The following ST8SIA4 variants were observed in gnomAD, a reference collection of about 807,000 sequenced individuals.
The protein encoded by ST8SIA4 is ST8 alpha-N-acetyl-neuraminide alpha-2,8-sialyltransferase 4.
In ST8SIA4, 15 loss-of-function variants were observed where a neutral mutation model predicts 33.9. That is an observed-to-expected ratio of 0.44 (90% CI 0.30 to 0.68). ST8SIA4 has a LOEUF of 0.68. ST8SIA4 is among the 30% of genes least tolerant of loss of function. The pLI, the probability that ST8SIA4 is intolerant of heterozygous loss-of-function variation, is 0.10. For synonymous variants in ST8SIA4, 171 were observed against 151.2 expected, an observed-to-expected ratio of 1.13 and a Z score of -0.96; for missense variants, 321 against 428.0, an observed-to-expected ratio of 0.75 and a Z score of 2.21.
chr5:100,833,534 T>C (rs570696895), intron 4 of ST8SIA4, among the ~76,000 whole-genome samples: 8 of 152,216 alleles, frequency 5.3e-5, no homozygotes, highest in Admixed American at 1.3e-4. Context: ...TTATGTTAAC[T>C]TGGGAAAGTT....
intron 3 of ST8SIA4, among the ~76,000 whole-genome samples, chr5:100,878,021 G>A (rs1400957231): frequency 6.6e-6 from 1 of 152,078 alleles, no homozygotes; most frequent in African/African-American, 2.4e-5. Flanking sequence ...TTAGGCACTG[G>A]GAGAGTTTGG....
chr5:100,819,260 G>A (rs1350200107), intron 4 of ST8SIA4, among the ~76,000 whole-genome samples: 4 of 152,268 alleles, frequency 2.6e-5, no homozygotes, highest in African/African-American at 7.2e-5. Context: ...ACTGGGTGTC[G>A]GGAGACAGTT....
intron 4 of ST8SIA4, among the ~76,000 whole-genome samples, chr5:100,814,052 C>T (rs533083843): frequency 8.6e-5 from 13 of 151,930 alleles, no homozygotes; most frequent in Non-Finnish European, 1.9e-4. Flanking sequence ...GAGAGGTTTC[C>T]TCGAGGTTCA....
chr5:100,849,395 C>A (rs1751636750), intron 4 of ST8SIA4: 1 of 985,240 alleles, frequency 1.0e-6, no homozygotes, highest in Non-Finnish European at 1.2e-6. Flanking sequence ...AAATTCTCTA[C>A]GTCAGTGTTC....
intron 3 of ST8SIA4, among the ~76,000 whole-genome samples, chr5:100,883,723 G>A (rs76935107): frequency 6.6e-6 from 1 of 152,086 alleles, no homozygotes; most frequent in Non-Finnish European, 1.5e-5. Flanking sequence ...TAAGTCTTAC[G>A]AGATCTGATG....
At chr5:100,846,240 C>T (rs1751567788) in intron 4 of ST8SIA4, among the ~76,000 whole-genome samples, 1 of 151,848 alleles carries the variant, frequency 6.6e-6, no homozygotes, top group Admixed American at 6.6e-5. Context: ...AAACCTCTTC[C>T]TCAATTCTGC....
rs1750824934 is a variant in ST8SIA4 at position 100,811,946 on chromosome 5, A to G, written c.981T>C (p.Asn327=). The change falls in exon 5 of 5, where the codon AAT becomes AAC. Residue 327 remains asparagine, a synonymous_variant. Transcript: ENST00000231461. The stretch of plus-strand genomic sequence containing the variant: ...CTAATGGCATTCTGTGAGGGCTTGC[A>G]TTGGAAAAGTACCTATATTTTAAGT... ...YDDLKYRYFS[N]ASPHRMPLEF... 1.2e-6 allele frequency: 2 copies of G among 1,614,162 alleles called. No individual in the cohort carries two copies. Among genetic ancestry groups the G allele is most frequent in the Non-Finnish European group, 1.7e-6 (2 of 1,179,998 alleles).
At position 100,888,918 on chromosome 5, in the gene ST8SIA4, T is replaced by G. The variant is rs1752599482; in HGVS notation, c.246-2318A>C. 2.0e-5 allele frequency among the ~76,000 whole-genome samples: 3 copies of G among 151,926 alleles called. No individual in the cohort carries two copies. In the South Asian group the frequency reaches 6.2e-4, roughly 31 times the overall value. On this transcript the variant is annotated intron_variant, in intron 2 of 4. Coordinates refer to ENST00000231461, the MANE Select transcript of ST8SIA4 (RefSeq NM_005668.6). ...TGTTATGATCTTTTTCCCCAAATAT[T>G]CTGAATATCAGGTTCAAAACCAGTA...
chr5:100,903,019 C>G lies in ST8SIA4; in HGVS notation c.-64G>C. 1 of 1,176,734 alleles carries G rather than the reference C, an allele frequency of 8.5e-7. No homozygotes were observed. Among genetic ancestry groups the G allele is most frequent in the East Asian group, 2.3e-5 (1 of 42,722 alleles). The allele number at this position is 1,176,734 out of a possible 1,614,324, so 72.9% of individuals were successfully genotyped here. A position where few individuals can be genotyped will look rare whatever the true frequency, so the allele number is the denominator to read the frequency against. ...GCACCTTCTCTTGATATAAAGGCTC[C>G]GTTTTGGGGAGATAGTCGCGGGGGT... is the stretch of plus-strand genomic sequence containing the variant. On this transcript the variant is annotated 5_prime_UTR_variant, in exon 1 of 5. Transcript: ENST00000231461.
At chr5:100,817,135 T>TG (rs1750942024) in intron 4 of ST8SIA4, among the ~76,000 whole-genome samples, 1 of 134,394 alleles carries the variant, frequency 7.4e-6, no homozygotes, top group Admixed American at 7.7e-5. Flanking sequence ...TTTTTTTTTT[T>TG]TTTTTGTATT....
intron 4 of ST8SIA4, among the ~76,000 whole-genome samples, chr5:100,818,427 C>T (rs1750974119): frequency 6.6e-6 from 1 of 152,070 alleles, no homozygotes; most frequent in Admixed American, 6.5e-5. Context: ...CTCATGTACA[C>T]TCTCAAAAGT....
In ST8SIA4 at chr5:100,889,968, A is replaced by G. The variant is rs148456795; in HGVS notation, c.246-3368T>C. ...AAAACTTGGAATTCGATATTTTACAAAGTAAAAAGAAAAAGAGGTAAACTT... is the reference window on the plus strand; with the variant it reads ...AAAACTTGGAATTCGATATTTTACAGAGTAAAAAGAAAAAGAGGTAAACTT... On this transcript the variant is annotated intron_variant, in intron 2 of 4. Transcript: ENST00000231461. Among the ~76,000 whole-genome samples the G allele has an allele frequency of 4.7e-4, 71 of 152,022 alleles. 1 individual carries two copies. Among genetic ancestry groups the G allele is most frequent in the African/African-American group, 1.6e-3 (66 of 41,540 alleles).
At chr5:100,891,285 A>G (rs1214001807) in intron 2 of ST8SIA4, among the ~76,000 whole-genome samples, 1 of 152,024 alleles carries the variant, frequency 6.6e-6, no homozygotes, top group African/African-American at 2.4e-5. Context: ...GACTACAAAA[A>G]AAAATCACTG....
intron 3 of ST8SIA4, among the ~76,000 whole-genome samples, chr5:100,876,995 T>C (rs1752320771): frequency 6.6e-6 from 1 of 152,116 alleles, no homozygotes; most frequent in Admixed American, 6.6e-5. Context: ...GAGAGTACCT[T>C]GGTTTATAAA....
At chr5:100,840,429 A>G (rs1442810156) in intron 4 of ST8SIA4, among the ~76,000 whole-genome samples, 2 of 151,744 alleles carry the variant, frequency 1.3e-5, no homozygotes, top group East Asian at 3.9e-4. Context: ...ATACCATGAA[A>G]CTAGTTTTCA....
chr5:100,849,650 G>A (rs1057206211), intron 4 of ST8SIA4, among the ~76,000 whole-genome samples: 1 of 151,532 alleles, frequency 6.6e-6, no homozygotes, highest in African/African-American at 2.4e-5. Flanking sequence ...AATTAGCCGG[G>A]CGTGGCGCCT....
Position 100,884,152 on chromosome 5 carries a change from G to A in ST8SIA4, c.503+2191C>T, listed in dbSNP as rs192062377. Among the ~76,000 whole-genome samples the A allele has an allele frequency of 1.3e-3, 193 of 152,308 alleles. 1 individual carries two copies. Among genetic ancestry groups the A allele is most frequent in the African/African-American group, 4.4e-3 (183 of 41,554 alleles). On this transcript the variant is annotated intron_variant, in intron 3 of 4. Transcript: ENST00000231461. ...TGATCAATATTCCAAATTGAAATTG[G>A]AGTGCATTAATATACGGCAGATTAT...
rs559934079 is a variant in ST8SIA4 at position 100,903,264 on chromosome 5, A to C, written c.-309T>G. ...CATTGGAGGTGGCGGCAGCTTCTGC[A>C]GCTGGGTTCGGGGGCGTCACTGGCC... On this transcript the variant is annotated 5_prime_UTR_variant, in exon 1 of 5. Coordinates refer to ENST00000231461, the MANE Select transcript of ST8SIA4 (RefSeq NM_005668.6). 2.8e-6 allele frequency: 1 copy of C among 361,244 alleles called. No individual in the cohort carries two copies. Among genetic ancestry groups the C allele is most frequent in the Admixed American group, 4.6e-5 (1 of 21,848 alleles). 22.4% of individuals were successfully genotyped at this position (361,244 alleles called of 1,614,324 possible).
intron 1 of ST8SIA4, among the ~76,000 whole-genome samples, chr5:100,897,793 C>T (rs895542496): frequency 7.2e-5 from 11 of 152,152 alleles, no homozygotes; most frequent in East Asian, 1.9e-4. Flanking sequence ...GAAAATGATA[C>T]GTTTGCATGC....
Sources: gnomAD v4.1 joint callset for allele counts (sites outside exome capture counted in the v4.1 genomes callset) on GRCh38, gnomAD v4.1.1 for gene constraint, MANE v1.5 for transcripts, NCBI Gene and HGNC (gene_info 2026-07-23, HGNC 2026-07-21) for gene names.